NKAIN2: variants seen among roughly 807,000 people sequenced by gnomAD.
The protein encoded by NKAIN2 is sodium/potassium transporting ATPase interacting 2.
Under a neutral mutation model 32.6 loss-of-function variants are expected in NKAIN2, and 14 were observed. The observed-to-expected ratio is 0.43, with a 90% CI of 0.28 to 0.67. The LOEUF is 0.67. NKAIN2 is among the 30% of genes least tolerant of loss of function. The pLI is 0.17. For synonymous variants in NKAIN2, 80 were observed against 87.2 expected (o/e 0.92, Z 0.46); for missense variants, 198 against 258.3 (o/e 0.77, Z 1.60).
intron 2 of NKAIN2, among the ~76,000 whole-genome samples, chr6:124,303,204 T>C (rs1796367793): frequency 6.6e-6 from 1 of 152,184 alleles, no homozygotes; most frequent in Admixed American, 6.5e-5. Flanking sequence ...AATGATATGA[T>C]TAATTTTAAA....
At chr6:124,288,442 C>T (rs1322075055) in intron 2 of NKAIN2, among the ~76,000 whole-genome samples, 1 of 152,194 alleles carries the variant, frequency 6.6e-6, no homozygotes, top group Non-Finnish European at 1.5e-5. Context: ...TCTCCCATAT[C>T]AAGGATTATG....
chr6:124,367,296 A>G (rs1293877597), intron 3 of NKAIN2, among the ~76,000 whole-genome samples: 3 of 152,188 alleles, frequency 2.0e-5, no homozygotes, highest in African/African-American at 7.2e-5. Context: ...CCCTAGGATC[A>G]AGGAAAATGT....
intron 4 of NKAIN2, among the ~76,000 whole-genome samples, chr6:124,780,051 A>C (rs969108812): frequency 6.6e-6 from 1 of 152,186 alleles, no homozygotes; most frequent in Non-Finnish European, 1.5e-5. Flanking sequence ...TAATCTAAAA[A>C]ATATTATATT....
chr6:124,113,049 T>G (rs75287709), intron 1 of NKAIN2, among the ~76,000 whole-genome samples: 7,143 of 152,202 alleles, frequency 0.047, 554 homozygotes, highest in African/African-American at 0.16. Context: ...TTGTTCCTTT[T>G]TTTGGAGCAT....
At chr6:124,311,332 A>G (rs6921885) in intron 2 of NKAIN2, among the ~76,000 whole-genome samples, 27,183 of 152,028 alleles carry the variant, frequency 0.18, 4,284 homozygotes, top group African/African-American at 0.41. Context: ...AAAATACACA[A>G]GGAGGAAAAT....
chr6:124,739,804 T>C (rs1282296778), intron 4 of NKAIN2, among the ~76,000 whole-genome samples: 1 of 151,942 alleles, frequency 6.6e-6, no homozygotes, highest in Admixed American at 6.6e-5. Context: ...ACAGCCCGTG[T>C]GTTCCTGCTT....
At chr6:123,953,826 C>T (rs891389134) in intron 1 of NKAIN2, among the ~76,000 whole-genome samples, 6 of 152,138 alleles carry the variant, frequency 3.9e-5, no homozygotes, top group Non-Finnish European at 5.9e-5. Context: ...GGAGCAGCAG[C>T]GACTGCACTA....
At chr6:124,211,667 A>G (rs774986123) in intron 1 of NKAIN2, among the ~76,000 whole-genome samples, 9 of 152,160 alleles carry the variant, frequency 5.9e-5, no homozygotes, top group Admixed American at 2.6e-4. Context: ...AGGATTATTC[A>G]CCAGCAAATA....
At chr6:123,911,813 A>ATG (rs1775216919) in intron 1 of NKAIN2, among the ~76,000 whole-genome samples, 13 of 27,106 alleles carry the variant, frequency 4.8e-4, no homozygotes, top group African/African-American at 2.1e-3. Flanking sequence ...ATATATATAT[A>ATG]CACACACACA....
At chr6:124,539,963 T>C (rs638788) in intron 3 of NKAIN2, among the ~76,000 whole-genome samples, 143,947 of 152,214 alleles carry the variant, frequency 0.95, 68,577 homozygotes, top group East Asian at 1. Context: ...TCAGGCAATC[T>C]GCCCACCTCG....
chr6:124,592,412 C>G (rs1421325533), intron 3 of NKAIN2, among the ~76,000 whole-genome samples: 1 of 152,046 alleles, frequency 6.6e-6, no homozygotes, highest in Non-Finnish European at 1.5e-5. Context: ...AATTGAGGAA[C>G]CCCTTAACCC....
At chr6:123,998,448 A>G (rs1339839068) in intron 1 of NKAIN2, among the ~76,000 whole-genome samples, 1 of 152,140 alleles carries the variant, frequency 6.6e-6, no homozygotes, top group Non-Finnish European at 1.5e-5. Context: ...TCCCTAAACA[A>G]CTAGAACTGG....
intron 4 of NKAIN2, among the ~76,000 whole-genome samples, chr6:124,780,324 T>A (rs1399708258): frequency 6.6e-6 from 1 of 152,178 alleles, no homozygotes; most frequent in East Asian, 1.9e-4. Context: ...AGTTGTGCAA[T>A]ATAGGTATTT....
intron 1 of NKAIN2, among the ~76,000 whole-genome samples, chr6:124,067,550 CAG>C (rs1306392754): frequency 6.6e-6 from 1 of 152,096 alleles, no homozygotes; most frequent in Non-Finnish European, 1.5e-5. Context: ...TCAAATGAAA[CAG>C]AACACAAAAA....
intron 2 of NKAIN2, among the ~76,000 whole-genome samples, chr6:124,306,406 T>G (rs1276633881): frequency 6.6e-6 from 1 of 152,160 alleles, no homozygotes; most frequent in Admixed American, 6.5e-5. Flanking sequence ...GTGAATGCAA[T>G]AATCTTTTCC....
At chr6:124,367,762 T>C (rs1214983710) in intron 3 of NKAIN2, among the ~76,000 whole-genome samples, 1 of 152,084 alleles carries the variant, frequency 6.6e-6, no homozygotes, top group East Asian at 1.9e-4. Flanking sequence ...GGGTACATCT[T>C]GATAATTGCG....
chr6:124,585,603 A>G (rs539422968), intron 3 of NKAIN2, among the ~76,000 whole-genome samples: 27 of 152,338 alleles, frequency 1.8e-4, no homozygotes, highest in African/African-American at 6.0e-4. Flanking sequence ...ATGTTTTTAA[A>G]TAATAAAAAT....
chr6:124,479,278 C>T (rs1777353694), intron 3 of NKAIN2, among the ~76,000 whole-genome samples: 1 of 152,024 alleles, frequency 6.6e-6, no homozygotes, highest in African/African-American at 2.4e-5. Flanking sequence ...AATCATGTAT[C>T]GATATTGGTT....
intron 3 of NKAIN2, among the ~76,000 whole-genome samples, chr6:124,597,781 G>C (rs1484905844): frequency 6.6e-6 from 1 of 152,112 alleles, no homozygotes; most frequent in African/African-American, 2.4e-5. Context: ...GTTTCAGCTT[G>C]TAAAAACCAT....
Sources: allele counts gnomAD v4.1 joint callset (sites outside exome capture counted in the v4.1 genomes callset), GRCh38; gene constraint gnomAD v4.1.1; transcripts MANE v1.5; gene names NCBI Gene and HGNC (gene_info 2026-07-23, HGNC 2026-07-21).